The following TMEM132D variants were observed in gnomAD, a reference collection of about 807,000 sequenced individuals.
TMEM132D encodes mature OL transmembrane protein.
In TMEM132D, 21 loss-of-function variants were observed where a neutral mutation model predicts 62.3. The ratio of observed to expected loss-of-function variants is 0.34; its 90% confidence interval spans 0.24 to 0.49. The LOEUF (loss-of-function observed/expected upper bound fraction) is 0.49, where lower values mean the gene tolerates loss of function less well. TMEM132D is among the 20% of genes least tolerant of loss of function. The pLI is 0.99. For missense variants in TMEM132D, 1,346 were observed against 1,402.8 expected, an observed-to-expected ratio of 0.96 and a Z score of 0.65; for synonymous variants, 621 against 575.6, an observed-to-expected ratio of 1.08 and a Z score of -1.13.
At chr12:129,634,387 T>C (rs1279503492) in intron 2 of TMEM132D, among the ~76,000 whole-genome samples, 1 of 151,628 alleles carries the variant, frequency 6.6e-6, no homozygotes, top group Non-Finnish European at 1.5e-5. Flanking sequence ...GGCAGGAGGA[T>C]TGCTTGAACC....
chr12:129,417,951 G>A (rs909722116), intron 3 of TMEM132D, among the ~76,000 whole-genome samples: 2 of 152,194 alleles, frequency 1.3e-5, no homozygotes, highest in East Asian at 3.8e-4. Flanking sequence ...ATGAAAAAAA[G>A]CTCATCGTCA....
chr12:129,469,995 T>C (rs2220704), intron 3 of TMEM132D, among the ~76,000 whole-genome samples: 51,557 of 151,970 alleles, frequency 0.34, 9,334 homozygotes, highest in Middle Eastern at 0.43. Flanking sequence ...GACTATGTAA[T>C]TTTCCAGAGG....
chr12:129,511,273 G>T (rs1020618255), intron 3 of TMEM132D, among the ~76,000 whole-genome samples: 2 of 152,134 alleles, frequency 1.3e-5, no homozygotes, highest in Non-Finnish European at 2.9e-5. Flanking sequence ...TCACATAAAT[G>T]GAACAGTACA....
chr12:129,314,275 C>G (rs182759997), intron 4 of TMEM132D, among the ~76,000 whole-genome samples: 112 of 152,264 alleles, frequency 7.4e-4, no homozygotes, highest in Non-Finnish European at 1.3e-3. Context: ...CTTAATCCAT[C>G]CTGAGTTGAC....
Position 129,100,558 on chromosome 12 carries a change from C to T in TMEM132D, c.1444-15856G>A, listed in dbSNP as rs530992332. ...TGCAGAACTTATCTTTCTGTCTTTC[C>T]GAGGACAAAGTTACTGTAAAAAATC... On this transcript the variant is annotated intron_variant, in intron 5 of 8. Transcript: ENST00000422113. Among the ~76,000 whole-genome samples, 19 of 152,238 alleles carry T rather than the reference C, an allele frequency of 1.2e-4. No individual in the cohort carries two copies. In the South Asian group the frequency reaches 3.3e-3, roughly 27 times the overall value.
intron 3 of TMEM132D, among the ~76,000 whole-genome samples, chr12:129,398,599 T>G (rs184919825): frequency 2.0e-5 from 3 of 152,200 alleles, no homozygotes; most frequent in Non-Finnish European, 1.5e-5. Flanking sequence ...TGGCTATGCA[T>G]GATGAGGATC....
chr12:129,640,446 T>C (rs1879614378), intron 2 of TMEM132D, among the ~76,000 whole-genome samples: 1 of 152,208 alleles, frequency 6.6e-6, no homozygotes, highest in Non-Finnish European at 1.5e-5. Flanking sequence ...CATCACCAGA[T>C]GTCTGCTCAA....
At chr12:129,410,129 C>G (rs925467164) in intron 3 of TMEM132D, among the ~76,000 whole-genome samples, 1 of 152,120 alleles carries the variant, frequency 6.6e-6, no homozygotes. Context: ...GCCATGAGTT[C>G]CATGTGGATC....
chr12:129,718,954 G>A (rs546307482), intron 1 of TMEM132D, among the ~76,000 whole-genome samples: 15 of 151,922 alleles, frequency 9.9e-5, no homozygotes, highest in African/African-American at 1.9e-4. Context: ...AGCCACCCAT[G>A]GGCGGGGTAT....
At position 129,700,612 on chromosome 12, in the gene TMEM132D, C is replaced by T. The variant is rs1287424489; in HGVS notation, c.166G>A (p.Ala56Thr). The part of the protein sequence containing the change: ...YLPVTYHINN[A>T]DVSFFLKEAN... ...TCCTTCAGGAAGAAGGAGACGTCCG[C>T]GTTGTTGATGTGGTAGGTCACGGGG... Residue 56 changes from alanine (A) to threonine (T), a missense_variant, in exon 2 of 9, where the codon GCG (alanine) becomes ACG (threonine). By Grantham distance (58) the Ala-to-Thr change is moderately conservative. Transcript: ENST00000422113. The T allele has an allele frequency of 1.2e-6, 2 of 1,613,980 alleles. No individual in the cohort carries two copies. The highest frequency in any genetic ancestry group is 8.5e-7 in the Non-Finnish European group (1 of 1,180,006).
intron 2 of TMEM132D, among the ~76,000 whole-genome samples, chr12:129,544,888 G>A (rs1876689044): frequency 6.6e-6 from 1 of 152,200 alleles, no homozygotes; most frequent in Admixed American, 6.5e-5. Flanking sequence ...TGGCAAATGT[G>A]TTTTCACAGA....
At chr12:129,569,936 T>C (rs1182140996) in intron 2 of TMEM132D, among the ~76,000 whole-genome samples, 1 of 152,168 alleles carries the variant, frequency 6.6e-6, no homozygotes, top group East Asian at 1.9e-4. Flanking sequence ...CAACTCTAAG[T>C]CCCTGCAGAA....
intron 1 of TMEM132D, among the ~76,000 whole-genome samples, chr12:129,726,930 T>A (rs1159310891): frequency 2.0e-5 from 3 of 152,154 alleles, no homozygotes. Context: ...TACTCAACTG[T>A]GGCTGTGTGC....
chr12:129,327,090 G>T (rs1405099184), intron 4 of TMEM132D, among the ~76,000 whole-genome samples: 1 of 152,116 alleles, frequency 6.6e-6, no homozygotes, highest in Non-Finnish European at 1.5e-5. Flanking sequence ...AGTGACAATA[G>T]TAGGTGCTTC....
chr12:129,367,962 T>TTTTAGTAGAGATGGGG (rs1870474857), intron 3 of TMEM132D, among the ~76,000 whole-genome samples: 3 of 151,890 alleles, frequency 2.0e-5, no homozygotes, highest in African/African-American at 7.3e-5. Context: ...ATATTTGTAT[T>TTTTAGTAGAGATGGGG]TTTAGTAGAG....
intron 3 of TMEM132D, among the ~76,000 whole-genome samples, chr12:129,482,047 C>T (rs1874443975): frequency 6.6e-6 from 1 of 152,200 alleles, no homozygotes; most frequent in Non-Finnish European, 1.5e-5. Context: ...GTCATGTGGA[C>T]AGACCATCTG....
At chr12:129,434,388 TA>T (rs1299716206) in intron 3 of TMEM132D, among the ~76,000 whole-genome samples, 2 of 152,230 alleles carry the variant, frequency 1.3e-5, no homozygotes, top group Non-Finnish European at 2.9e-5. Flanking sequence ...ACGAGTTACT[TA>T]AAATCTCGGT....
intron 2 of TMEM132D, among the ~76,000 whole-genome samples, chr12:129,546,305 A>C (rs567559990): frequency 1.3e-5 from 2 of 152,338 alleles, no homozygotes; most frequent in Admixed American, 1.3e-4. Context: ...ATAAAATAAC[A>C]ACTTTGATTC....
intron 5 of TMEM132D, among the ~76,000 whole-genome samples, chr12:129,198,749 T>C (rs1273965405): frequency 2.0e-5 from 3 of 152,164 alleles, no homozygotes. Context: ...CAATAGTATA[T>C]TGTACATTTC....
Sources: gnomAD v4.1 joint callset for allele counts (sites outside exome capture counted in the v4.1 genomes callset) on GRCh38, gnomAD v4.1.1 for gene constraint, MANE v1.5 for transcripts, NCBI Gene and HGNC (gene_info 2026-07-23, HGNC 2026-07-21) for gene names.